TIPRL: variants seen among roughly 807,000 people sequenced by gnomAD.
TIPRL encodes the protein TOR signaling pathway regulator, also known as TIP41-like protein.
In TIPRL, 10 loss-of-function variants were observed where a neutral mutation model predicts 32.3. That is an observed-to-expected ratio of 0.31 (90% CI 0.19 to 0.52). The LOEUF is 0.52. Among genes scored for constraint, TIPRL ranks in the 20% least tolerant of loss-of-function variants. The probability of loss-of-function intolerance (pLI) is 0.96; values close to 1 mark genes in which losing one functional copy is unlikely to be tolerated. For synonymous variants in TIPRL, 100 were observed against 114.0 expected (o/e 0.88, Z 0.78); for missense variants, 250 against 328.1 (o/e 0.76, Z 1.84).
chr1:168,192,491 A>G (rs1700111071), intron 4 of TIPRL: 1 of 866,770 alleles, frequency 1.2e-6, no homozygotes, highest in African/African-American at 1.8e-5. Flanking sequence ...TTTTTACTAA[A>G]TGCCTCATTC....
chr1:168,196,254 T>C (rs556730341), intron 4 of TIPRL, among the ~76,000 whole-genome samples: 1 of 152,280 alleles, frequency 6.6e-6, no homozygotes, highest in Admixed American at 6.5e-5. Flanking sequence ...AAATAAACAT[T>C]ATAATTTTTA....
intron 3 of TIPRL, among the ~76,000 whole-genome samples, chr1:168,185,929 GC>G (rs1558162923): frequency 6.6e-6 from 1 of 150,616 alleles, no homozygotes; most frequent in East Asian, 2.0e-4. Context: ...ACAAAATTTA[GC>G]CAGGCATGGT....
chr1:168,179,641 A>G (rs1032176927), intron 1 of TIPRL, among the ~76,000 whole-genome samples: 1 of 149,902 alleles, frequency 6.7e-6, no homozygotes, highest in Non-Finnish European at 1.5e-5. Context: ...GAGACAGACA[A>G]TTATATTACA....
At chr1:168,192,449 C>G (rs551195920) in intron 4 of TIPRL, 5 of 987,346 alleles carry the variant, frequency 5.1e-6, no homozygotes, top group Non-Finnish European at 6.1e-6. Flanking sequence ...AATTGGGTCT[C>G]TAATACTTTC....
intron 1 of TIPRL, among the ~76,000 whole-genome samples, chr1:168,183,586 G>T (rs1032513601): frequency 2.0e-5 from 3 of 151,738 alleles, no homozygotes; most frequent in Non-Finnish European, 2.9e-5. Context: ...TAATTGCTTT[G>T]CTATCTTTTC....
At chr1:168,191,049 CACTG>C (rs1324183007) in intron 3 of TIPRL, among the ~76,000 whole-genome samples, 2 of 152,198 alleles carry the variant, frequency 1.3e-5, no homozygotes, top group Non-Finnish European at 1.5e-5. Flanking sequence ...TCGTTCATCA[CACTG>C]ACTGATGTTT....
At chr1:168,188,945 C>T (rs191851259) in intron 3 of TIPRL, among the ~76,000 whole-genome samples, 198 of 149,936 alleles carry the variant, frequency 1.3e-3, no homozygotes, top group African/African-American at 4.6e-3. Context: ...GGTGCCACTG[C>T]ATTCCAGCCT....
At chr1:168,194,787 G>T (rs1700135255) in intron 4 of TIPRL, among the ~76,000 whole-genome samples, 1 of 152,140 alleles carries the variant, frequency 6.6e-6, no homozygotes, top group Non-Finnish European at 1.5e-5. Context: ...TCCGGAAAAT[G>T]GTTAATGAGC....
chr1:168,188,839 A>G (rs1441354189), intron 3 of TIPRL, among the ~76,000 whole-genome samples: 1 of 152,128 alleles, frequency 6.6e-6, no homozygotes, highest in East Asian at 1.9e-4. Context: ...AAATTAGCCA[A>G]GCGTTGTGGC....
At chr1:168,198,895 G>A (rs1027614289) in intron 5 of TIPRL, 24 bp from the exon 6 acceptor site, 9 of 1,591,594 alleles carry the variant, frequency 5.7e-6, no homozygotes, top group Non-Finnish European at 7.7e-6. Context: ...TAAATTTATT[G>A]CAACTGTTTA....
In TIPRL at chr1:168,179,191, C is replaced by T. The variant is rs762583867; in HGVS notation, c.104+10C>T. 1 of 1,613,118 alleles carries T rather than the reference C, an allele frequency of 6.2e-7. No individual in the cohort carries two copies. The highest frequency in any genetic ancestry group is 1.1e-5 in the South Asian group (1 of 91,000). On this transcript the variant is annotated intron_variant, in intron 1 of 6. Transcript: ENST00000367833. ...CGGCGGATGTGGAGAAGTGAGGCTT[C>T]GGGGCACGGGGTCTGGGCGCTGGCC... is the stretch of plus-strand genomic sequence containing the variant.
In TIPRL at chr1:168,200,080, G is replaced by T; in HGVS notation, c.*34G>T. 1 of 1,600,222 alleles carries T rather than the reference G, an allele frequency of 6.2e-7. No individual in the cohort carries two copies. The highest frequency in any genetic ancestry group is 1.1e-5 in the South Asian group (1 of 88,996). On this transcript the variant is annotated 3_prime_UTR_variant, in exon 7 of 7. Coordinates refer to ENST00000367833, the MANE Select transcript of TIPRL (RefSeq NM_152902.5). ...ACAACATATACTCACTATGGAATCT[G>T]ACTGGACACCTTGGCTATTTGTAAG...
In TIPRL at chr1:168,198,941, G is replaced by A. The variant is rs1325075001; in HGVS notation, c.635G>A (p.Arg212Gln). Residue 212 changes from arginine (R) to glutamine (Q), a missense_variant, in exon 6 of 7, where the codon CGA (arginine) becomes CAA (glutamine). Transcript: ENST00000367833. ...YHEADKTYML[R>Q]EYTSRESKIS... The stretch of plus-strand genomic sequence containing the variant: ...CAGGCTGACAAGACCTACATGTTAC[G>A]AGAATATACGTCACGAGAAAGCAAA... The A allele has an allele frequency of 1.9e-6, 3 of 1,611,938 alleles. No homozygotes were observed. The highest frequency in any genetic ancestry group is 1.3e-5 in the African/African-American group (1 of 74,800).
intron 4 of TIPRL, among the ~76,000 whole-genome samples, chr1:168,195,252 C>A (rs1700139527): frequency 6.6e-6 from 1 of 152,206 alleles, no homozygotes; most frequent in South Asian, 2.1e-4. Flanking sequence ...TATTTCATGT[C>A]TCAGTACTTT....
chr1:168,179,765 G>A (rs569661311), intron 1 of TIPRL, among the ~76,000 whole-genome samples: 59 of 152,140 alleles, frequency 3.9e-4, no homozygotes, highest in Non-Finnish European at 7.5e-4. Context: ...ACCGTTGCGG[G>A]GGGCGGTGGA....
At chr1:168,186,542 G>C (rs552076545) in intron 3 of TIPRL, among the ~76,000 whole-genome samples, 36 of 152,284 alleles carry the variant, frequency 2.4e-4, no homozygotes, top group African/African-American at 8.2e-4. Flanking sequence ...GGTTTAGGTT[G>C]AATGTCTCTA....
At chr1:168,199,007 G>T (rs1200433936) in intron 6 of TIPRL, 26 bp downstream of exon 6, 2 of 1,571,798 alleles carry the variant, frequency 1.3e-6, no homozygotes, top group South Asian at 2.3e-5. Flanking sequence ...TCAGTTTTTA[G>T]AAGTTAATTT....
At chr1:168,182,497 G>A (rs149111708) in intron 1 of TIPRL, among the ~76,000 whole-genome samples, 153 of 152,158 alleles carry the variant, frequency 1.0e-3, no homozygotes, top group African/African-American at 3.4e-3. Flanking sequence ...ATGGTGGCAC[G>A]TGCCTGTAAT....
chr1:168,200,234 C>T lies in TIPRL; in HGVS notation c.*188C>T, dbSNP rs1700195716. On this transcript the variant is annotated 3_prime_UTR_variant, in exon 7 of 7. Coordinates refer to ENST00000367833, the MANE Select transcript of TIPRL (RefSeq NM_152902.5). The stretch of plus-strand genomic sequence containing the variant: ...CTGCTGTTTGTACTGTCTGTCTTCA[C>T]ATTCATATTCCAGATTTATATTTTC... 1.9e-6 allele frequency: 1 copy of T among 532,204 alleles called. No individual in the cohort carries two copies. The allele number at this position is 532,204 out of a possible 1,614,324, so 33.0% of individuals were successfully genotyped here.
Sources: allele counts gnomAD v4.1 joint callset (sites outside exome capture counted in the v4.1 genomes callset), GRCh38; gene constraint gnomAD v4.1.1; transcripts MANE v1.5; gene names NCBI Gene and HGNC (gene_info 2026-07-23, HGNC 2026-07-21).